Variants in BCKDHB observed in about 807,000 individuals in gnomAD.
BCKDHB encodes the protein branched chain keto acid dehydrogenase E1 subunit beta, also known as 2-oxoisovalerate dehydrogenase subunit beta, mitochondrial.
A neutral mutation model predicts 48.5 loss-of-function variants in BCKDHB; 41 were observed. The observed-to-expected ratio is 0.85, with a 90% confidence interval of 0.66 to 1.10. The LOEUF (loss-of-function observed/expected upper bound fraction) is 1.10. BCKDHB is among the 50% of genes least tolerant of loss of function. The pLI is 0.00. For synonymous variants in BCKDHB, 201 were observed against 174.8 expected (o/e 1.15, Z -1.18); for missense variants, 496 against 494.2 (o/e 1.00, Z -0.03).
the BCKDHB span, among the ~76,000 whole-genome samples, chr6:80,447,717 T>C: frequency 6.6e-6 from 1 of 152,090 alleles, no homozygotes; most frequent in Non-Finnish European, 1.5e-5. Context: ...TATTCTTTTT[T>C]GGGAGTGGGG....
At chr6:80,149,739 A>G (rs1771669985) in intron 3 of BCKDHB, among the ~76,000 whole-genome samples, 1 of 150,658 alleles carries the variant, frequency 6.6e-6, no homozygotes, top group Non-Finnish European at 1.5e-5. Flanking sequence ...CAAAAAACCA[A>G]ACACCACATA....
chr6:80,134,731 C>CGTTTT (rs1770798520), intron 3 of BCKDHB, among the ~76,000 whole-genome samples: 1 of 149,920 alleles, frequency 6.7e-6, no homozygotes, highest in African/African-American at 2.5e-5. Flanking sequence ...CCTTTTCCAG[C>CGTTTT]GTTTTGTTTT....
At chr6:80,220,304 GTTTTTTT>G (rs56967096) in intron 8 of BCKDHB, among the ~76,000 whole-genome samples, 1 of 60,860 alleles carries the variant, frequency 1.6e-5, no homozygotes. Context: ...CATGCTATTT[GTTTTTTT>G]TTTTTTTTTG....
intron 1 of BCKDHB, among the ~76,000 whole-genome samples, chr6:80,125,699 T>C (rs931300668): frequency 6.6e-6 from 1 of 152,172 alleles, no homozygotes; most frequent in African/African-American, 2.4e-5. Flanking sequence ...GACTGGTCAG[T>C]GGATCAGTGA....
At chr6:80,316,989 AC>A (rs1333401673) in intron 9 of BCKDHB, among the ~76,000 whole-genome samples, 1 of 152,198 alleles carries the variant, frequency 6.6e-6, no homozygotes, top group Non-Finnish European at 1.5e-5. Context: ...TACGCTGTCA[AC>A]CTTTTATAAA....
At chr6:80,188,783 G>A (rs1339220274) in intron 6 of BCKDHB, among the ~76,000 whole-genome samples, 3 of 151,982 alleles carry the variant, frequency 2.0e-5, no homozygotes, top group African/African-American at 7.3e-5. Flanking sequence ...ATGTACCCTT[G>A]AACATAAAAT....
downstream of BCKDHB, among the ~76,000 whole-genome samples, chr6:80,348,765 G>T (rs1770313477): frequency 6.6e-6 from 1 of 152,072 alleles, no homozygotes; most frequent in Admixed American, 6.6e-5. Flanking sequence ...CCCCAAAAAA[G>T]TCACATTGGA....
At chr6:80,256,032 G>T (rs1314177407) in intron 8 of BCKDHB, among the ~76,000 whole-genome samples, 10 of 152,124 alleles carry the variant, frequency 6.6e-5, no homozygotes, top group Admixed American at 6.6e-4. Context: ...TCTACAATAT[G>T]CTTGTCTCTG....
intron 8 of BCKDHB, among the ~76,000 whole-genome samples, chr6:80,215,784 A>T (rs1775144098): frequency 1.3e-5 from 2 of 152,046 alleles, no homozygotes; most frequent in South Asian, 4.1e-4. Context: ...TCGCCGTGCC[A>T]CCAGTCTGGA....
At chr6:80,212,608 G>A (rs1456762521) in intron 8 of BCKDHB, among the ~76,000 whole-genome samples, 1 of 152,254 alleles carries the variant, frequency 6.6e-6, no homozygotes, top group South Asian at 2.1e-4. Context: ...TGGTCCTGAG[G>A]TGACATATAT....
intron 1 of BCKDHB, among the ~76,000 whole-genome samples, chr6:80,118,950 A>G (rs1769855597): frequency 1.3e-5 from 2 of 152,086 alleles, no homozygotes; most frequent in South Asian, 4.1e-4. Flanking sequence ...TGCTATTTCT[A>G]CCACGTCTGC....
chr6:80,179,112 T>C (rs1341947782), intron 6 of BCKDHB, among the ~76,000 whole-genome samples: 1 of 152,152 alleles, frequency 6.6e-6, no homozygotes, highest in East Asian at 1.9e-4. Flanking sequence ...ATCCTCAAGC[T>C]CCTGGGCTCA....
intron 1 of BCKDHB, among the ~76,000 whole-genome samples, chr6:80,114,584 G>C (rs1254819968): frequency 1.3e-5 from 2 of 152,070 alleles, no homozygotes; most frequent in African/African-American, 4.8e-5. Flanking sequence ...TTGGAAGTAG[G>C]ATTTGATAGG....
chr6:80,420,649 G>A, the BCKDHB span, among the ~76,000 whole-genome samples: 1 of 152,214 alleles, frequency 6.6e-6, no homozygotes. Context: ...GGTGAAGTCT[G>A]TGAGCTGCTT....
chr6:80,253,980 T>C (rs1776944917), intron 8 of BCKDHB, among the ~76,000 whole-genome samples: 1 of 151,908 alleles, frequency 6.6e-6, no homozygotes, highest in African/African-American at 2.4e-5. Flanking sequence ...ATAAATTCTG[T>C]GCTGAAATAA....
chr6:80,278,591 G>A (rs545082574), intron 9 of BCKDHB, among the ~76,000 whole-genome samples: 7 of 151,460 alleles, frequency 4.6e-5, no homozygotes, highest in Non-Finnish European at 8.8e-5. Flanking sequence ...AGGGAGTCTC[G>A]CTCTGTCGCC....
chr6:80,222,667 C>T (rs1582389346), intron 8 of BCKDHB, among the ~76,000 whole-genome samples: 1 of 152,064 alleles, frequency 6.6e-6, no homozygotes. Flanking sequence ...CCATCTGTTT[C>T]AGAGTAGATA....
At chr6:80,437,372 C>T in the BCKDHB span, among the ~76,000 whole-genome samples, 26 of 151,424 alleles carry the variant, frequency 1.7e-4, no homozygotes, top group South Asian at 2.7e-3. Context: ...AACATGTATC[C>T]GCTGCCTTTT....
At chr6:80,352,588 A>G in the BCKDHB span, among the ~76,000 whole-genome samples, 1 of 152,192 alleles carries the variant, frequency 6.6e-6, no homozygotes, top group Non-Finnish European at 1.5e-5. Flanking sequence ...ATTCTAATTC[A>G]ACCATTCTAA....
Sources: gnomAD v4.1 joint callset for allele counts (sites outside exome capture counted in the v4.1 genomes callset) on GRCh38, gnomAD v4.1.1 for gene constraint, MANE v1.5 for transcripts, NCBI Gene and HGNC (gene_info 2026-07-23, HGNC 2026-07-21) for gene names.